ENOX1: variants seen among roughly 807,000 people sequenced by gnomAD.
The protein encoded by ENOX1 is candidate growth-related and time keeping constitutive hydroquinone (NADH) oxidase.
A neutral mutation model predicts 82.5 loss-of-function variants in ENOX1; 42 were observed. The observed-to-expected ratio is 0.51, with a 90% CI of 0.40 to 0.66. The LOEUF (loss-of-function observed/expected upper bound fraction) is 0.66, where lower values mean the gene tolerates loss of function less well. Among genes scored for constraint, ENOX1 ranks in the 30% least tolerant of loss-of-function variants. The probability of loss-of-function intolerance (pLI) is 0.00; values close to 1 mark genes in which losing one functional copy is unlikely to be tolerated. For synonymous variants in ENOX1, 271 were observed against 282.2 expected, an observed-to-expected ratio of 0.96 and a Z score of 0.40; for missense variants, 608 against 811.6, an observed-to-expected ratio of 0.75 and a Z score of 3.05.
At chr13:43,646,315 C>T (rs2083892597) in intron 2 of ENOX1, among the ~76,000 whole-genome samples, 1 of 152,224 alleles carries the variant, frequency 6.6e-6, no homozygotes, top group Non-Finnish European at 1.5e-5. Context: ...CTCCTCACTG[C>T]TCTTGACAGC....
chr13:43,776,392 T>A (rs1031966243), intron 1 of ENOX1, among the ~76,000 whole-genome samples: 2 of 151,736 alleles, frequency 1.3e-5, no homozygotes, highest in Admixed American at 1.3e-4. Context: ...GTGGCAGGGG[T>A]GAAGTTATAA....
At chr13:43,322,136 G>C (rs1377306416) in intron 11 of ENOX1, among the ~76,000 whole-genome samples, 1 of 152,172 alleles carries the variant, frequency 6.6e-6, no homozygotes, top group Non-Finnish European at 1.5e-5. Flanking sequence ...CATGGAAACA[G>C]GCAAATATCC....
intron 3 of ENOX1, among the ~76,000 whole-genome samples, chr13:43,459,901 G>A (rs759184470): frequency 7.9e-5 from 12 of 152,170 alleles, no homozygotes; most frequent in Non-Finnish European, 1.3e-4. Flanking sequence ...TGCTGAGGCA[G>A]GAGAATTGCT....
intron 2 of ENOX1, chr13:43,543,879 C>T (rs1453620820): frequency 6.8e-6 from 1 of 147,822 alleles, no homozygotes; most frequent in African/African-American, 2.5e-5. Context: ...TTTAAAAATA[C>T]ATTCCCATCT....
chr13:43,408,834 C>T (rs538100479), intron 5 of ENOX1, among the ~76,000 whole-genome samples: 1 of 151,850 alleles, frequency 6.6e-6, no homozygotes, highest in Admixed American at 6.6e-5. Flanking sequence ...TCACTGGGGG[C>T]ATGGAAAATA....
intron 11 of ENOX1, among the ~76,000 whole-genome samples, chr13:43,306,392 AT>A (rs1263140509): frequency 1.3e-5 from 2 of 152,030 alleles, no homozygotes; most frequent in South Asian, 2.1e-4. Context: ...CCCTATTTTG[AT>A]TTCCAAGATT....
At chr13:43,382,087 C>A (rs1205114777) in intron 5 of ENOX1, among the ~76,000 whole-genome samples, 1 of 152,038 alleles carries the variant, frequency 6.6e-6, no homozygotes, top group East Asian at 1.9e-4. Context: ...AGACAATATT[C>A]AGCATGAACT....
At chr13:43,668,920 C>A (rs2085120259) in intron 1 of ENOX1, among the ~76,000 whole-genome samples, 2 of 152,166 alleles carry the variant, frequency 1.3e-5, no homozygotes, top group Admixed American at 6.6e-5. Flanking sequence ...AAAAAAATAT[C>A]CAAATGTGAT....
chr13:43,734,481 T>C (rs111745404), intron 1 of ENOX1, among the ~76,000 whole-genome samples: 197 of 152,330 alleles, frequency 1.3e-3, no homozygotes, highest in African/African-American at 4.4e-3. Flanking sequence ...TCACTACTTT[T>C]CCACCTGAAA....
chr13:43,574,794 C>A, intron 2 of ENOX1, among the ~76,000 whole-genome samples: 1 of 152,168 alleles, frequency 6.6e-6, no homozygotes, highest in East Asian at 1.9e-4. Context: ...GACACTTTCC[C>A]TCTAGACTCT....
chr13:43,722,372 T>G (rs1161425946), intron 1 of ENOX1, among the ~76,000 whole-genome samples: 1 of 152,084 alleles, frequency 6.6e-6, no homozygotes, highest in East Asian at 1.9e-4. Context: ...GGATGTAGGT[T>G]TAAGAGTGAC....
intron 3 of ENOX1, among the ~76,000 whole-genome samples, chr13:43,483,459 T>C (rs966085685): frequency 1.1e-4 from 16 of 150,794 alleles, no homozygotes; most frequent in Admixed American, 9.9e-4. Context: ...TTAATACACA[T>C]ACACACACAC....
chr13:43,413,556 T>C (rs961434875), intron 3 of ENOX1, among the ~76,000 whole-genome samples: 1 of 151,740 alleles, frequency 6.6e-6, no homozygotes, highest in African/African-American at 2.4e-5. Context: ...TGGCATGCTG[T>C]CCATAAAGGA....
At chr13:43,709,426 T>C (rs1360723906) in intron 1 of ENOX1, among the ~76,000 whole-genome samples, 1 of 152,080 alleles carries the variant, frequency 6.6e-6, no homozygotes, top group East Asian at 1.9e-4. Context: ...AGAGAAATTA[T>C]AATTTTAAGT....
At chr13:43,605,579 G>C (rs1016745574) in intron 2 of ENOX1, among the ~76,000 whole-genome samples, 1 of 152,090 alleles carries the variant, frequency 6.6e-6, no homozygotes, top group African/African-American at 2.4e-5. Context: ...TCAATAAATG[G>C]TGCTGGAACA....
At chr13:43,345,381 A>G (rs1594059474) in intron 8 of ENOX1, among the ~76,000 whole-genome samples, 1 of 152,218 alleles carries the variant, frequency 6.6e-6, no homozygotes, top group African/African-American at 2.4e-5. Context: ...TCCACAAAAG[A>G]GAACATGTTT....
At chr13:43,290,817 G>T (rs758526017) in intron 12 of ENOX1, among the ~76,000 whole-genome samples, 1 of 152,080 alleles carries the variant, frequency 6.6e-6, no homozygotes, top group African/African-American at 2.4e-5. Context: ...ACTTGAGATC[G>T]GGAGTTCAAG....
intron 3 of ENOX1, among the ~76,000 whole-genome samples, chr13:43,422,838 C>T (rs2153607931): frequency 6.6e-6 from 1 of 152,224 alleles, no homozygotes; most frequent in African/African-American, 2.4e-5. Context: ...CTCAGGAAAA[C>T]TTTGCTTTTG....
chr13:43,647,524 G>A (rs2083951235), intron 2 of ENOX1, among the ~76,000 whole-genome samples: 3 of 152,116 alleles, frequency 2.0e-5, no homozygotes, highest in Admixed American at 1.3e-4. Context: ...AAATTATCAA[G>A]AAGAATGTGA....
Sources: gnomAD v4.1 joint callset for allele counts (sites outside exome capture counted in the v4.1 genomes callset) on GRCh38, gnomAD v4.1.1 for gene constraint, MANE v1.5 for transcripts, NCBI Gene and HGNC (gene_info 2026-07-23, HGNC 2026-07-21) for gene names.